FAM149B1: variants seen among roughly 807,000 people sequenced by gnomAD.
FAM149B1 encodes primary cilium assembly protein FAM149B1.
FAM149B1 carries 56 observed loss-of-function variants against 75.3 expected under a neutral mutation model. The ratio of observed to expected loss-of-function variants is 0.74; its 90% CI spans 0.60 to 0.93. FAM149B1 has a LOEUF of 0.93. Ranked by LOEUF, FAM149B1 falls within the 40% of genes least tolerant of loss-of-function variation. FAM149B1 has a pLI of 0.00. For synonymous variants in FAM149B1, 259 were observed against 256.1 expected (o/e 1.01, Z -0.11); for missense variants, 639 against 708.4 (o/e 0.90, Z 1.11).
intron 3 of FAM149B1, among the ~76,000 whole-genome samples, chr10:73,186,120 C>T (rs1033280244): frequency 4.6e-5 from 7 of 151,902 alleles, no homozygotes; most frequent in Non-Finnish European, 8.8e-5. Flanking sequence ...CAGGATTGCA[C>T]GGCTGGTTCA....
In FAM149B1 at chr10:73,241,480, G is replaced by A. The variant is rs1174816748; in HGVS notation, c.*461G>A. The stretch of plus-strand genomic sequence containing the variant: ...TAAGTCATTTTGCTGTTGAAAATCT[G>A]ACCTCATCAAATAGATGTCATTCCT... On this transcript the variant is annotated 3_prime_UTR_variant, in exon 14 of 14. Transcript: ENST00000242505. The A allele has an allele frequency of 1.2e-5, 2 of 169,670 alleles. No homozygotes were observed. The highest frequency in any genetic ancestry group is 2.6e-5 in the Non-Finnish European group (2 of 78,224). 10.5% of individuals were successfully genotyped at this position (169,670 alleles called of 1,614,324 possible).
In FAM149B1 at chr10:73,243,840, T is replaced by C. The variant is rs1352553404; in HGVS notation, c.*2821T>C. On this transcript the variant is annotated 3_prime_UTR_variant, in exon 14 of 14. Coordinates refer to ENST00000242505, the MANE Select transcript of FAM149B1 (RefSeq NM_173348.2). ...AGATGTGGCAACAAACTGCCAAGTT[T>C]ACCTGAATGGCTGCCTTCAGGCTAT... 1.1e-5 allele frequency: 17 copies of C among 1,611,290 alleles called. No individual in the cohort carries two copies. The highest frequency in any genetic ancestry group is 1.4e-5 in the Non-Finnish European group (16 of 1,179,026).
intron 7 of FAM149B1, 38 bp from the exon 8 acceptor site, chr10:73,228,022 G>T (rs1451255463): frequency 6.5e-7 from 1 of 1,540,078 alleles, no homozygotes; most frequent in Non-Finnish European, 8.8e-7. Flanking sequence ...TGGGCCAGAA[G>T]ATTATCCATG....
At chr10:73,232,403 C>T (rs1288593256) in intron 9 of FAM149B1, among the ~76,000 whole-genome samples, 1 of 152,178 alleles carries the variant, frequency 6.6e-6, no homozygotes, top group Non-Finnish European at 1.5e-5. Context: ...TTGCCCACTC[C>T]CAGCTTTCCA....
intron 5 of FAM149B1, among the ~76,000 whole-genome samples, chr10:73,204,768 A>ATTTT (rs2043013422): frequency 7.5e-6 from 1 of 132,482 alleles, no homozygotes; most frequent in African/African-American, 2.9e-5. Flanking sequence ...AAATGTGATT[A>ATTTT]TTCTTTTTTT....
At chr10:73,239,142 G>A in intron 12 of FAM149B1, 170 bp from the exon 13 acceptor site, 1 of 549,720 alleles carries the variant, frequency 1.8e-6, no homozygotes, top group Non-Finnish European at 3.2e-6. Flanking sequence ...CATCTGGCTT[G>A]GGATTTTCTA....
At chr10:73,204,996 T>TTTTC (rs1564697638) in intron 5 of FAM149B1, among the ~76,000 whole-genome samples, 2 of 117,760 alleles carry the variant, frequency 1.7e-5, no homozygotes, top group Non-Finnish European at 1.7e-5. Context: ...TTTTTTTTTT[T>TTTTC]AGTAGAGACA....
intron 5 of FAM149B1, among the ~76,000 whole-genome samples, chr10:73,205,324 C>T (rs552834770): frequency 2.1e-5 from 3 of 146,238 alleles, no homozygotes; most frequent in East Asian, 4.2e-4. Context: ...TAGAAGTGTG[C>T]GGCACCTCTC....
chr10:73,173,323 T>C (rs1176640825), intron 1 of FAM149B1, among the ~76,000 whole-genome samples: 1 of 152,162 alleles, frequency 6.6e-6, no homozygotes, highest in Non-Finnish European at 1.5e-5. Context: ...CTACAGACCT[T>C]ATCCAGTTTT....
Position 73,244,166 on chromosome 10 carries a change from T to G in FAM149B1, c.*3147T>G. 1 of 519,918 alleles carries G rather than the reference T, an allele frequency of 1.9e-6. No homozygotes were observed. The highest frequency in any genetic ancestry group is 3.4e-6 in the Non-Finnish European group (1 of 294,706). 32.2% of individuals were successfully genotyped at this position (519,918 alleles called of 1,614,324 possible). On this transcript the variant is annotated 3_prime_UTR_variant, in exon 14 of 14. Transcript: ENST00000242505. ...ACCCAATTCTATTTGCTAGAGGTAG[T>G]AAGTACTCTGGCACTCATAAATCAC...
chr10:73,181,473 AT>A (rs1453627649), intron 3 of FAM149B1, among the ~76,000 whole-genome samples: 3 of 151,954 alleles, frequency 2.0e-5, no homozygotes, highest in Non-Finnish European at 4.4e-5. Flanking sequence ...GTTTCAAGAA[AT>A]TTTTCAGTCT....
rs116945058 is a variant in FAM149B1 at position 73,229,151 on chromosome 10, T to C, written c.1023+967T>C. Among the ~76,000 whole-genome samples the C allele has an allele frequency of 6.3e-3, 956 of 152,322 alleles. 27 individuals carry two copies. The highest frequency in any genetic ancestry group is 0.023 in the East Asian group (117 of 5,190). ...AGTCTGAACAAGCACAAAGATGGTA[T>C]TTCTTGCAGGAGGCAGATGAGATTG... On this transcript the variant is annotated intron_variant, in intron 8 of 13. Transcript: ENST00000242505.
In FAM149B1 at chr10:73,177,927, C is replaced by T. The variant is rs775960643; in HGVS notation, c.234C>T (p.Gly78=). 5.7e-5 allele frequency: 89 copies of T among 1,551,480 alleles called. No homozygotes were observed. The highest frequency in any genetic ancestry group is 3.3e-4 in the Middle Eastern group (2 of 6,014). The change falls in exon 3 of 14, where the codon GGC becomes GGT. Residue 78 remains glycine (G), a synonymous_variant. Coordinates refer to ENST00000242505, the MANE Select transcript of FAM149B1 (RefSeq NM_173348.2). Reference sequence around the variant, plus strand: ...TGTCTGCTTTTCCAAGTTATACAGGCGCAGGGATATCTACTGAAGGAAGCT... The same window carrying T: ...TGTCTGCTTTTCCAAGTTATACAGGTGCAGGGATATCTACTGAAGGAAGCT... The part of the protein sequence containing the change: ...NSLSAFPSYT[G]AGISTEGSSD...
chr10:73,237,852 T>C (rs552594563), intron 12 of FAM149B1, among the ~76,000 whole-genome samples: 25 of 152,230 alleles, frequency 1.6e-4, no homozygotes, highest in African/African-American at 5.8e-4. Flanking sequence ...GCCTCCCAAG[T>C]AGCTGGGATT....
chr10:73,205,787 C>T (rs570537484), intron 5 of FAM149B1, among the ~76,000 whole-genome samples: 24 of 151,860 alleles, frequency 1.6e-4, no homozygotes, highest in East Asian at 5.8e-4. Context: ...CTCCTGACCT[C>T]GTGATCCGCC....
At chr10:73,201,063 T>C in intron 5 of FAM149B1, 1 of 288,870 alleles carries the variant, frequency 3.5e-6, no homozygotes, top group Admixed American at 3.7e-5. Context: ...TACCTAGCAG[T>C]CATGAAAACT....
intron 3 of FAM149B1, among the ~76,000 whole-genome samples, chr10:73,181,939 A>G (rs910281948): frequency 6.6e-6 from 1 of 152,112 alleles, no homozygotes; most frequent in African/African-American, 2.4e-5. Flanking sequence ...GGGTTCATAT[A>G]TGTTTAAATT....
intron 13 of FAM149B1, among the ~76,000 whole-genome samples, chr10:73,240,578 GGCAGAT>G (rs1262971374): frequency 2.0e-5 from 3 of 152,058 alleles, no homozygotes; most frequent in African/African-American, 7.3e-5. Context: ...CGGGTGTGGT[GGCAGAT>G]GCCTGTAGTC....
intron 2 of FAM149B1, among the ~76,000 whole-genome samples, chr10:73,176,626 C>A (rs1321673690): frequency 6.6e-6 from 1 of 152,168 alleles, no homozygotes; most frequent in Non-Finnish European, 1.5e-5. Flanking sequence ...TGGCTCACAT[C>A]TGTAGTCTCA....
Sources: allele counts gnomAD v4.1 joint callset (sites outside exome capture counted in the v4.1 genomes callset), GRCh38; gene constraint gnomAD v4.1.1; transcripts MANE v1.5; gene names NCBI Gene and HGNC (gene_info 2026-07-23, HGNC 2026-07-21).